The following NR3C2 variants were observed in gnomAD, a reference collection of about 807,000 sequenced individuals.
The protein encoded by NR3C2 is mineralocorticoid receptor.
Under a neutral mutation model 86.4 loss-of-function variants are expected in NR3C2, and 15 were observed. That is an observed-to-expected ratio of 0.17 (90% CI 0.12 to 0.27). The LOEUF (loss-of-function observed/expected upper bound fraction) is 0.27, where lower values mean the gene tolerates loss of function less well. NR3C2 is among the 10% of genes least tolerant of loss of function. NR3C2 has a pLI of 1.00. For synonymous variants in NR3C2, 458 were observed against 450.5 expected (o/e 1.02, Z -0.21); for missense variants, 960 against 1,195.6 (o/e 0.80, Z 2.91).
chr4:148,303,157 G>C (rs1219535482), intron 2 of NR3C2, among the ~76,000 whole-genome samples: 1 of 152,036 alleles, frequency 6.6e-6, no homozygotes, highest in Non-Finnish European at 1.5e-5. Flanking sequence ...ACAAAGATGA[G>C]GACTGGAGAG....
At chr4:148,444,801 C>G (rs1462377360), upstream of NR3C2, 1 of 985,032 alleles carries the variant, frequency 1.0e-6, no homozygotes, top group Admixed American at 6.2e-5. Context: ...GGGCCTCTGG[C>G]GGGCCCCTCT....
chr4:148,160,320 C>G (rs2149773953), intron 4 of NR3C2, among the ~76,000 whole-genome samples: 1 of 152,316 alleles, frequency 6.6e-6, no homozygotes. Flanking sequence ...AAAACTGTGA[C>G]AGATTTCTAA....
intron 4 of NR3C2, among the ~76,000 whole-genome samples, chr4:148,158,230 C>G (rs1451112184): frequency 1.3e-5 from 2 of 152,130 alleles, no homozygotes; most frequent in Non-Finnish European, 2.9e-5. Context: ...AAATACTCAG[C>G]AAAGTGCCTC....
Position 148,120,134 on chromosome 4 carries a change from G to A in NR3C2, c.2641+24C>T, listed in dbSNP as rs766006458. 6 of 1,613,648 alleles carry A rather than the reference G, an allele frequency of 3.7e-6. No individual in the cohort carries two copies. The African/African-American group carries it at 6.7e-5, about 18-fold the overall frequency. On this transcript the variant is annotated intron_variant, in intron 7 of 8. Transcript: ENST00000358102. ...AAGATGATCTGGTAATATAGAAACAGTGCCAGAATGGGCATCAATTTACTT... is the reference window on the plus strand; with the variant it reads ...AAGATGATCTGGTAATATAGAAACAATGCCAGAATGGGCATCAATTTACTT...
chr4:148,210,532 A>C (rs1277999229), intron 3 of NR3C2, among the ~76,000 whole-genome samples: 2 of 152,118 alleles, frequency 1.3e-5, no homozygotes. Flanking sequence ...TGGGCTCCAG[A>C]CCCAAGCCCA....
intron 2 of NR3C2, among the ~76,000 whole-genome samples, chr4:148,373,883 C>CA (rs1746546094): frequency 6.6e-6 from 1 of 152,106 alleles, no homozygotes; most frequent in Admixed American, 6.6e-5. Context: ...ATCCTATTAT[C>CA]CTTATTCTAG....
chr4:148,402,220 T>A (rs548065527), intron 2 of NR3C2, among the ~76,000 whole-genome samples: 8 of 152,318 alleles, frequency 5.3e-5, no homozygotes, highest in African/African-American at 1.9e-4. Context: ...GGCTTTGAAT[T>A]CTTAGCAATA....
At chr4:148,095,748 C>T (rs1731248819) in intron 8 of NR3C2, among the ~76,000 whole-genome samples, 1 of 152,156 alleles carries the variant, frequency 6.6e-6, no homozygotes, top group African/African-American at 2.4e-5. Flanking sequence ...CAGGCTCAGG[C>T]AGTCTGGGTC....
At chr4:148,178,027 C>T (rs1254598784) in intron 4 of NR3C2, among the ~76,000 whole-genome samples, 1 of 152,170 alleles carries the variant, frequency 6.6e-6, no homozygotes, top group Non-Finnish European at 1.5e-5. Flanking sequence ...ATAAGTAAAA[C>T]GTTTTCGACT....
chr4:148,342,149 C>T (rs1202715523), intron 2 of NR3C2, among the ~76,000 whole-genome samples: 1 of 152,052 alleles, frequency 6.6e-6, no homozygotes, highest in African/African-American at 2.4e-5. Context: ...AAGATGGCTA[C>T]GAGGAGTCAA....
At chr4:148,404,767 T>C (rs539219704) in intron 2 of NR3C2, among the ~76,000 whole-genome samples, 6 of 152,312 alleles carry the variant, frequency 3.9e-5, no homozygotes, top group African/African-American at 1.4e-4. Context: ...CTTTCGGCAA[T>C]GATGAAAATC....
intron 4 of NR3C2, among the ~76,000 whole-genome samples, chr4:148,167,297 T>G (rs1734921865): frequency 2.0e-5 from 3 of 152,352 alleles, no homozygotes; most frequent in African/African-American, 7.2e-5. Context: ...CCTTGTGCTA[T>G]GATTTTAAAA....
rs1307797285 is a variant in NR3C2 at position 148,424,108 on chromosome 4, A to G, written c.1757+10996T>C. 5.9e-5 allele frequency among the ~76,000 whole-genome samples: 9 copies of G among 152,268 alleles called. No individual in the cohort carries two copies. The East Asian group carries it at 1.7e-3, about 29-fold the overall frequency. On this transcript the variant is annotated intron_variant, in intron 2 of 8. Coordinates refer to ENST00000358102, the MANE Select transcript of NR3C2 (RefSeq NM_000901.5). The stretch of plus-strand genomic sequence containing the variant: ...GGTACATTGATAACAGAACTCAAAA[A>G]GATGAAAAACACACAATAAAAATGG...
chr4:148,372,912 T>C (rs1223835353), intron 2 of NR3C2, among the ~76,000 whole-genome samples: 3 of 152,218 alleles, frequency 2.0e-5, no homozygotes, highest in Admixed American at 6.5e-5. Flanking sequence ...AGCAGAGGAA[T>C]TTATATACTG....
In NR3C2 at chr4:148,140,104, T is replaced by G. The variant is rs780076259; in HGVS notation, c.2510+12365A>C. On this transcript the variant is annotated intron_variant, in intron 6 of 8. Transcript: ENST00000358102. ...GTGTCAAGGGGGGAGTCTGGAGCCTTCCTTTGTTTTAGAGTTGACTGGCCC... is the reference window on the plus strand; with the variant it reads ...GTGTCAAGGGGGGAGTCTGGAGCCTGCCTTTGTTTTAGAGTTGACTGGCCC... Among the ~76,000 whole-genome samples the G allele has an allele frequency of 1.2e-3, 176 of 152,288 alleles. 3 individuals are homozygous for G. Among genetic ancestry groups the G allele is most frequent in the Admixed American group, 4.6e-4 (7 of 15,298 alleles).
chr4:148,107,944 C>T (rs952141994), intron 8 of NR3C2, among the ~76,000 whole-genome samples: 2 of 152,076 alleles, frequency 1.3e-5, no homozygotes, highest in African/African-American at 2.4e-5. Flanking sequence ...AGCAAACCAC[C>T]ATGGCACATG....
At chr4:148,111,372 T>C (rs1004465120) in intron 8 of NR3C2, among the ~76,000 whole-genome samples, 1 of 152,240 alleles carries the variant, frequency 6.6e-6, no homozygotes, top group Admixed American at 6.5e-5. Flanking sequence ...ATATGCTTCT[T>C]GTGGGAACAG....
At chr4:148,239,424 C>T (rs1346644226) in intron 3 of NR3C2, among the ~76,000 whole-genome samples, 1 of 152,222 alleles carries the variant, frequency 6.6e-6, no homozygotes, top group African/African-American at 2.4e-5. Flanking sequence ...CCTGCTGCTT[C>T]TGGCTCTCTC....
intron 3 of NR3C2, among the ~76,000 whole-genome samples, chr4:148,219,214 A>C (rs1336439594): frequency 6.6e-6 from 1 of 152,210 alleles, no homozygotes; most frequent in Non-Finnish European, 1.5e-5. Context: ...TAATGACTAA[A>C]GACATTGAAT....
Sources: allele counts gnomAD v4.1 joint callset (sites outside exome capture counted in the v4.1 genomes callset), GRCh38; gene constraint gnomAD v4.1.1; transcripts MANE v1.5; gene names NCBI Gene and HGNC (gene_info 2026-07-23, HGNC 2026-07-21).